Variants in TMEM217B observed in about 807,000 individuals in gnomAD.
The protein encoded by TMEM217B is putative transmembrane protein 217B.
chr6:37,241,335 C>T, the TMEM217B span, among the ~76,000 whole-genome samples: 413 of 151,940 alleles, frequency 2.7e-3, 1 homozygote, highest in Non-Finnish European at 5.0e-3. Flanking sequence ...TGGCTGTCTA[C>T]GTGGTGGGGA....
chr6:37,242,416 C>T, the TMEM217B span, among the ~76,000 whole-genome samples: 1 of 152,230 alleles, frequency 6.6e-6, no homozygotes, highest in African/African-American at 2.4e-5. Flanking sequence ...TCCATATCAT[C>T]TAGATCTTTT....
At chr6:37,224,380 T>G in the TMEM217B span, among the ~76,000 whole-genome samples, 1 of 149,186 alleles carries the variant, frequency 6.7e-6, no homozygotes, top group Non-Finnish European at 1.5e-5. Context: ...GGGCGGATCA[T>G]GAGGTCAGGA....
chr6:37,232,607 C>T, the TMEM217B span, among the ~76,000 whole-genome samples: 1 of 152,164 alleles, frequency 6.6e-6, no homozygotes, highest in Non-Finnish European at 1.5e-5. Flanking sequence ...CTTCCTCTCC[C>T]GTTCTCTGCA....
the TMEM217B span, chr6:37,212,218 G>A: frequency 3.0e-6 from 1 of 333,404 alleles, no homozygotes; most frequent in Non-Finnish European, 5.9e-6. Context: ...ATCATTAACT[G>A]CTAAAACAAG....
chr6:37,255,756 G>A, the TMEM217B span, among the ~76,000 whole-genome samples: 752 of 152,236 alleles, frequency 4.9e-3, 3 homozygotes, highest in Non-Finnish European at 7.5e-3. Context: ...TGGAAGCAGG[G>A]AGCCGAATAG....
the TMEM217B span, among the ~76,000 whole-genome samples, chr6:37,236,780 A>G: frequency 1.4e-4 from 22 of 152,330 alleles, no homozygotes; most frequent in Non-Finnish European, 2.6e-4. Flanking sequence ...GACAGAGCAC[A>G]GTTAGCTTAA....
chr6:37,246,481 A>G, the TMEM217B span, among the ~76,000 whole-genome samples: 1 of 151,992 alleles, frequency 6.6e-6, no homozygotes, highest in Admixed American at 6.6e-5. Flanking sequence ...AGGGAAATAT[A>G]CTCCATCTAC....
At chr6:37,220,934 TAC>T in the TMEM217B span, among the ~76,000 whole-genome samples, 2 of 152,062 alleles carry the variant, frequency 1.3e-5, no homozygotes, top group Non-Finnish European at 2.9e-5. Context: ...GCATATATAA[TAC>T]ACAGATATAT....
the TMEM217B span, among the ~76,000 whole-genome samples, chr6:37,230,819 G>A: frequency 6.6e-6 from 1 of 151,954 alleles, no homozygotes; most frequent in Non-Finnish European, 1.5e-5. Context: ...CTTTGGACCT[G>A]GGTAAATTGC....
At chr6:37,241,099 CTTTTTTTTT>C in the TMEM217B span, among the ~76,000 whole-genome samples, 18 of 132,898 alleles carry the variant, frequency 1.4e-4, no homozygotes, top group South Asian at 2.1e-3. Context: ...AAGTATTACT[CTTTTTTTTT>C]TTTTTTTTGA....
chr6:37,223,829 T>A, the TMEM217B span, among the ~76,000 whole-genome samples: 1 of 151,118 alleles, frequency 6.6e-6, no homozygotes, highest in East Asian at 2.0e-4. Context: ...TTTATATATT[T>A]ATTTATAGAG....
the TMEM217B span, among the ~76,000 whole-genome samples, chr6:37,255,409 C>T: frequency 1.4e-4 from 21 of 152,014 alleles, no homozygotes; most frequent in Non-Finnish European, 1.9e-4. Flanking sequence ...GGGCAGGGTG[C>T]GATGGCTCCC....
At chr6:37,255,946 G>A in the TMEM217B span, among the ~76,000 whole-genome samples, 1 of 152,184 alleles carries the variant, frequency 6.6e-6, no homozygotes, top group Admixed American at 6.5e-5. Flanking sequence ...AGAAATAACA[G>A]GGCTTTTCTG....
At chr6:37,214,584 A>G in the TMEM217B span, among the ~76,000 whole-genome samples, 1 of 150,682 alleles carries the variant, frequency 6.6e-6, no homozygotes, top group African/African-American at 2.4e-5. Context: ...ATAAACATCA[A>G]CTCCCCATTC....
the TMEM217B span, among the ~76,000 whole-genome samples, chr6:37,213,910 G>A: frequency 6.6e-6 from 1 of 152,218 alleles, no homozygotes; most frequent in Non-Finnish European, 1.5e-5. Flanking sequence ...AAGGGGCACA[G>A]TCACACATTA....
the TMEM217B span, chr6:37,212,408 G>C: frequency 8.0e-5 from 32 of 401,370 alleles, no homozygotes; most frequent in South Asian, 5.5e-4. Flanking sequence ...CTGGCATCTG[G>C]CATGGTTCAG....
the TMEM217B span, among the ~76,000 whole-genome samples, chr6:37,247,389 CT>C: frequency 0.89 from 113,378 of 127,696 alleles, 50,377 homozygotes; most frequent in African/African-American, 0.96. Flanking sequence ...AACTTTTTTA[CT>C]TTTTTTTTTT....
the TMEM217B span, among the ~76,000 whole-genome samples, chr6:37,246,466 C>G: frequency 3.9e-5 from 6 of 152,180 alleles, no homozygotes; most frequent in African/African-American, 1.4e-4. Context: ...GGCCAGAAGT[C>G]TTGCAGGGAA....
chr6:37,226,260 A>G, the TMEM217B span, among the ~76,000 whole-genome samples: 93,675 of 143,018 alleles, frequency 0.65, 30,552 homozygotes, highest in East Asian at 0.85. Flanking sequence ...GTTTTGTTTT[A>G]TTTTGTTTTT....
Sources: gnomAD v4.1 joint callset for allele counts (sites outside exome capture counted in the v4.1 genomes callset) on GRCh38, gnomAD v4.1.1 for gene constraint, MANE v1.5 for transcripts, NCBI Gene and HGNC (gene_info 2026-07-23, HGNC 2026-07-21) for gene names.